Variants in C1orf21 observed in about 807,000 individuals in gnomAD.
C1orf21 encodes the protein chromosome 1 open reading frame 21.
Under a neutral mutation model 18.7 loss-of-function variants are expected in C1orf21, and 3 were observed. That is an observed-to-expected ratio of 0.16 (90% CI 0.07 to 0.42). The LOEUF is 0.42. Among genes scored for constraint, C1orf21 ranks in the 10% least tolerant of loss-of-function variants. The pLI is 0.99. For synonymous variants in C1orf21, 41 were observed against 46.4 expected, an observed-to-expected ratio of 0.88 and a Z score of 0.47; for missense variants, 104 against 143.6, an observed-to-expected ratio of 0.72 and a Z score of 1.41.
At chr1:184,426,400 C>G (rs963136997) in intron 1 of C1orf21, among the ~76,000 whole-genome samples, 1 of 152,144 alleles carries the variant, frequency 6.6e-6, no homozygotes, top group Non-Finnish European at 1.5e-5. Context: ...CATCGCTCCC[C>G]TGCTTCAAAC....
intron 5 of C1orf21, among the ~76,000 whole-genome samples, chr1:184,615,409 C>CT (rs1338251825): frequency 6.6e-6 from 1 of 152,068 alleles, no homozygotes; most frequent in East Asian, 1.9e-4. Context: ...CGAGGGCCTC[C>CT]TAGGGATCTT....
intron 3 of C1orf21, among the ~76,000 whole-genome samples, chr1:184,562,898 T>C (rs1388163388): frequency 1.3e-5 from 2 of 152,250 alleles, no homozygotes; most frequent in African/African-American, 4.8e-5. Flanking sequence ...GGGGTAGTTC[T>C]GCCTATTGTG....
At chr1:184,617,382 G>A (rs193029794) in intron 5 of C1orf21, among the ~76,000 whole-genome samples, 24 of 152,260 alleles carry the variant, frequency 1.6e-4, no homozygotes, top group East Asian at 1.4e-3. Context: ...TCAGAGCCTC[G>A]TGAGTTGGGG....
chr1:184,443,509 T>C (rs190401475), intron 1 of C1orf21, among the ~76,000 whole-genome samples: 1 of 152,356 alleles, frequency 6.6e-6, no homozygotes, highest in East Asian at 1.9e-4. Flanking sequence ...TGCCCTGTTG[T>C]GGGCTCCTGA....
intron 4 of C1orf21, among the ~76,000 whole-genome samples, chr1:184,596,538 A>T (rs1482785051): frequency 6.6e-6 from 1 of 152,212 alleles, no homozygotes; most frequent in East Asian, 1.9e-4. Flanking sequence ...CTGGGGCAAC[A>T]TATACATACG....
intron 3 of C1orf21, among the ~76,000 whole-genome samples, chr1:184,552,353 C>CT (rs1171714782): frequency 6.6e-6 from 1 of 152,140 alleles, no homozygotes; most frequent in Non-Finnish European, 1.5e-5. Flanking sequence ...CAATCAGATA[C>CT]TTTTTTTCCT....
intron 3 of C1orf21, among the ~76,000 whole-genome samples, chr1:184,529,615 C>T (rs576445617): frequency 6.6e-6 from 1 of 152,118 alleles, no homozygotes; most frequent in African/African-American, 2.4e-5. Flanking sequence ...CATGGGATGA[C>T]AAAAGGACCC....
chr1:184,540,174 A>G (rs754914542), intron 3 of C1orf21: 1 of 152,252 alleles, frequency 6.6e-6, no homozygotes, highest in Non-Finnish European at 1.5e-5. Flanking sequence ...AATAAATGCC[A>G]GAGAAATCCA....
At chr1:184,397,263 A>C (rs1656065319) in intron 1 of C1orf21, among the ~76,000 whole-genome samples, 2 of 152,174 alleles carry the variant, frequency 1.3e-5, no homozygotes, top group Admixed American at 6.6e-5. Flanking sequence ...TTTGATGGGA[A>C]TATATCAACA....
At position 184,590,303 on chromosome 1, in the gene C1orf21, C is replaced by T. The variant is rs112547720; in HGVS notation, c.190-436C>T. Among the ~76,000 whole-genome samples, 1,236 of 152,312 alleles carry T rather than the reference C, an allele frequency of 8.1e-3. 19 individuals carry two copies. Among genetic ancestry groups the T allele is most frequent in the African/African-American group, 0.027 (1,125 of 41,562 alleles). On this transcript the variant is annotated intron_variant, in intron 3 of 5. Transcript: ENST00000235307. ...TTTAGTCATGTTCCTGTTCCTGTCA[C>T]GGCTAGGGCCTTCAGCAAACTTTAC...
At chr1:184,573,532 A>C (rs1185329342) in intron 3 of C1orf21, among the ~76,000 whole-genome samples, 2 of 152,232 alleles carry the variant, frequency 1.3e-5, no homozygotes, top group Non-Finnish European at 1.5e-5. Context: ...AATAACTCCA[A>C]AAACGGTTTG....
At chr1:184,612,489 G>T (rs968722619) in intron 5 of C1orf21, among the ~76,000 whole-genome samples, 2 of 152,220 alleles carry the variant, frequency 1.3e-5, no homozygotes, top group Admixed American at 1.3e-4. Flanking sequence ...ACTTTGGGAG[G>T]CCAAAGCAGG....
In C1orf21 at chr1:184,548,018, C is replaced by T. The variant is rs550132559; in HGVS notation, c.189+40336C>T. 2.0e-5 allele frequency among the ~76,000 whole-genome samples: 3 copies of T among 152,300 alleles called. No individual in the cohort carries two copies. In the East Asian group the frequency reaches 5.8e-4, roughly 29 times the overall value. On this transcript the variant is annotated intron_variant, in intron 3 of 5. Transcript: ENST00000235307. ...CTGCTCCTCCTGACCATAGCAGAGG[C>T]TGCTGCAGACTAGCTGAGGCTTTTA... is the stretch of plus-strand genomic sequence containing the variant.
At chr1:184,438,602 C>G (rs954692702) in intron 1 of C1orf21, among the ~76,000 whole-genome samples, 1 of 152,124 alleles carries the variant, frequency 6.6e-6, no homozygotes, top group African/African-American at 2.4e-5. Context: ...TGGGGCTGGG[C>G]CAGTGTGTTG....
chr1:184,416,525 A>G (rs2101964707), intron 1 of C1orf21, among the ~76,000 whole-genome samples: 1 of 152,304 alleles, frequency 6.6e-6, no homozygotes, highest in Admixed American at 6.5e-5. Flanking sequence ...AAAATTAAAA[A>G]AAAGCAAAAA....
intron 1 of C1orf21, among the ~76,000 whole-genome samples, chr1:184,463,270 T>G (rs1657336151): frequency 6.6e-6 from 1 of 152,022 alleles, no homozygotes; most frequent in East Asian, 1.9e-4. Context: ...GCTTGGGATG[T>G]CAGTCTAGGG....
intron 1 of C1orf21, among the ~76,000 whole-genome samples, chr1:184,444,720 A>G (rs12057850): frequency 0.16 from 25,043 of 152,054 alleles, 2,096 homozygotes; most frequent in African/African-American, 0.18. Context: ...TCCATCTCAC[A>G]AGATTGTTGT....
chr1:184,416,752 TC>T (rs931589867), intron 1 of C1orf21, among the ~76,000 whole-genome samples: 2 of 152,180 alleles, frequency 1.3e-5, no homozygotes, highest in African/African-American at 4.8e-5. Flanking sequence ...ATGATAATCA[TC>T]CCTGACCTAT....
chr1:184,418,511 G>C (rs1656496136), intron 1 of C1orf21, among the ~76,000 whole-genome samples: 1 of 152,184 alleles, frequency 6.6e-6, no homozygotes, highest in Non-Finnish European at 1.5e-5. Context: ...ACTGTGCCCG[G>C]CGAAGTTATA....
Sources: gnomAD v4.1 joint callset for allele counts (sites outside exome capture counted in the v4.1 genomes callset) on GRCh38, gnomAD v4.1.1 for gene constraint, MANE v1.5 for transcripts, NCBI Gene and HGNC (gene_info 2026-07-23, HGNC 2026-07-21) for gene names.